COLQ: variants seen among roughly 807,000 people sequenced by gnomAD.
COLQ encodes the protein acetylcholinesterase collagenic tail peptide.
A neutral mutation model predicts 69.0 loss-of-function variants in COLQ; 48 were observed. The observed-to-expected ratio is 0.70, with a 90% confidence interval of 0.55 to 0.88. The LOEUF (loss-of-function observed/expected upper bound fraction) is 0.88. COLQ is among the 40% of genes least tolerant of loss of function. The pLI, the probability that COLQ is intolerant of heterozygous loss-of-function variation, is 0.00. For missense variants in COLQ, 618 were observed against 594.6 expected (o/e 1.04, Z -0.41); for synonymous variants, 217 against 211.2 (o/e 1.03, Z -0.24).
chr3:15,454,055 T>C, intron 15 of COLQ, 124 bp from the exon 16 acceptor site: 1 of 707,026 alleles, frequency 1.4e-6, no homozygotes, highest in Non-Finnish European at 2.5e-6. Flanking sequence ...AGAACTGACC[T>C]CCATTAAGCT....
chr3:15,466,522 T>C, intron 11 of COLQ, 85 bp from the exon 12 acceptor site: 1 of 1,210,580 alleles, frequency 8.3e-7, no homozygotes, highest in East Asian at 2.4e-5. Context: ...AGAGATCACC[T>C]TGCACTTAAG....
At chr3:15,454,181 G>A (rs1359178842) in intron 15 of COLQ, among the ~76,000 whole-genome samples, 2 of 152,130 alleles carry the variant, frequency 1.3e-5, no homozygotes, top group African/African-American at 2.4e-5. Context: ...TGAGGGGTGG[G>A]GAGACTCCAG....
At chr3:15,500,232 T>C (rs994139235) in intron 1 of COLQ, among the ~76,000 whole-genome samples, 1 of 152,154 alleles carries the variant, frequency 6.6e-6, no homozygotes, top group Admixed American at 6.5e-5. Flanking sequence ...CCCTTTGTCC[T>C]TCTCAGAAAC....
At chr3:15,513,489 T>C (rs2063015897) in intron 1 of COLQ, among the ~76,000 whole-genome samples, 1 of 152,198 alleles carries the variant, frequency 6.6e-6, no homozygotes, top group Non-Finnish European at 1.5e-5. Flanking sequence ...CAGGAGTTGA[T>C]GGATAAATAT....
chr3:15,516,063 G>A (rs1331776451), intron 1 of COLQ, among the ~76,000 whole-genome samples: 2 of 152,206 alleles, frequency 1.3e-5, no homozygotes, highest in Admixed American at 1.3e-4. Context: ...AACAGGACAT[G>A]AGCCCACTGC....
intron 10 of COLQ, among the ~76,000 whole-genome samples, chr3:15,470,901 G>A (rs1447556858): frequency 6.6e-6 from 1 of 152,040 alleles, no homozygotes; most frequent in Non-Finnish European, 1.5e-5. Context: ...AAATAGAAGA[G>A]ACAAATCATC....
At chr3:15,505,370 A>G (rs2062894984) in intron 1 of COLQ, among the ~76,000 whole-genome samples, 1 of 152,250 alleles carries the variant, frequency 6.6e-6, no homozygotes, top group South Asian at 2.1e-4. Flanking sequence ...CGTGTCGGTC[A>G]TTATTTTATA....
intron 3 of COLQ, 99 bp downstream of exon 3, chr3:15,488,107 G>T: frequency 1.2e-6 from 1 of 868,806 alleles, no homozygotes; most frequent in East Asian, 2.4e-5. Context: ...AAACAGCTTT[G>T]TATCACATGA....
intron 12 of COLQ, among the ~76,000 whole-genome samples, chr3:15,461,087 A>T (rs2062104583): frequency 6.6e-6 from 1 of 152,208 alleles, no homozygotes. Context: ...ATTCCCAGGT[A>T]CCACGTTGAT....
chr3:15,460,291 A>G (rs1362205463), intron 12 of COLQ, among the ~76,000 whole-genome samples: 1 of 152,238 alleles, frequency 6.6e-6, no homozygotes, highest in Non-Finnish European at 1.5e-5. Context: ...ATTGGAGAGA[A>G]AAAGTCTTCA....
chr3:15,452,767 G>C (rs2061967951), intron 16 of COLQ, among the ~76,000 whole-genome samples: 1 of 152,168 alleles, frequency 6.6e-6, no homozygotes, highest in South Asian at 2.1e-4. Flanking sequence ...TTAGAGTCTG[G>C]GGGAGACTGG....
chr3:15,519,587 T>C (rs2063108123), intron 1 of COLQ, among the ~76,000 whole-genome samples: 1 of 152,204 alleles, frequency 6.6e-6, no homozygotes, highest in South Asian at 2.1e-4. Flanking sequence ...GCATTCCTTG[T>C]TGGTTCCCTT....
chr3:15,491,801 T>C (rs2062672098), intron 1 of COLQ, among the ~76,000 whole-genome samples: 1 of 152,196 alleles, frequency 6.6e-6, no homozygotes, highest in Non-Finnish European at 1.5e-5. Flanking sequence ...GGCTCATGCC[T>C]GTAATCCCAG....
chr3:15,477,481 A>T (rs2062399807), intron 5 of COLQ: 1 of 433,924 alleles, frequency 2.3e-6, no homozygotes, highest in Non-Finnish European at 4.3e-6. Flanking sequence ...CCCACCCAAA[A>T]GTCCCCTGCG....
intron 3 of COLQ, among the ~76,000 whole-genome samples, chr3:15,482,378 C>T (rs140291954): frequency 1.1e-3 from 170 of 152,208 alleles, no homozygotes; most frequent in African/African-American, 3.9e-3. Flanking sequence ...TTTTGAGATA[C>T]GTCCCATCAA....
intron 13 of COLQ, 105 bp from the exon 14 acceptor site, chr3:15,456,684 T>C (rs1015584162): frequency 6.7e-7 from 1 of 1,492,966 alleles, no homozygotes; most frequent in Non-Finnish European, 9.1e-7. Flanking sequence ...TGCTCAACAG[T>C]GGGAAGAGGG....
rs1240374103 is a variant in COLQ, at chr3:15,466,403, G to C, written c.752C>G (p.Pro251Arg). ...TTGACCAGAAGGCCCAGGCTTGCCTGGTGGGCCCATAACTCCACTATCCCC... is the reference window on the plus strand; with the variant it reads ...TTGACCAGAAGGCCCAGGCTTGCCTCGTGGGCCCATAACTCCACTATCCCC... ...QKGDSGVMGP[P>R]GKPGPSGQPG... Residue 251 changes from proline to arginine, a missense_variant, in exon 12 of 17, where the codon CCA becomes CGA. Transcript: ENST00000383788. The C allele has an allele frequency of 1.2e-6, 2 of 1,614,026 alleles. No homozygotes were observed. Among genetic ancestry groups the C allele is most frequent in the East Asian group, 2.2e-5 (1 of 44,900 alleles).
chr3:15,499,828 C>T (rs2062807620), intron 1 of COLQ, among the ~76,000 whole-genome samples: 1 of 152,132 alleles, frequency 6.6e-6, no homozygotes, highest in African/African-American at 2.4e-5. Context: ...AGCTGTGTGA[C>T]CTTGAGGAAG....
At chr3:15,475,811 C>T (rs2305614) in intron 6 of COLQ, among the ~76,000 whole-genome samples, 1 of 151,840 alleles carries the variant, frequency 6.6e-6, no homozygotes, top group Non-Finnish European at 1.5e-5. Context: ...GGGGGCATGA[C>T]GGAACTGGGG....
Sources: allele counts gnomAD v4.1 joint callset (sites outside exome capture counted in the v4.1 genomes callset), GRCh38; gene constraint gnomAD v4.1.1; transcripts MANE v1.5; gene names NCBI Gene and HGNC (gene_info 2026-07-23, HGNC 2026-07-21).